Variants in DNAH17 observed in about 807,000 individuals in gnomAD.
DNAH17 encodes the protein axonemal beta dynein heavy chain 17.
DNAH17 carries 376 observed loss-of-function variants against 485.6 expected under a neutral mutation model. That is an observed-to-expected ratio of 0.77 (90% CI 0.71 to 0.84). The LOEUF (loss-of-function observed/expected upper bound fraction) is 0.84. DNAH17 is among the 40% of genes least tolerant of loss of function. DNAH17 has a pLI of 0.00. For synonymous variants in DNAH17, 3,031 were observed against 2,405.9 expected (o/e 1.26, Z -7.60); for missense variants, 6,370 against 5,839.3 (o/e 1.09, Z -2.96).
chr17:78,445,003 C>T lies in DNAH17; in HGVS notation c.11335-206G>A, dbSNP rs886077139. On this transcript the variant is annotated intron_variant, in intron 70 of 80. Coordinates refer to ENST00000389840, the MANE Select transcript of DNAH17 (RefSeq NM_173628.4). ...CCCAGGACAGCGCCGGGAGCCTCCT[C>T]GGCAGGGTCTAACCTGCGGACATGA... 9.9e-5 allele frequency among the ~76,000 whole-genome samples: 15 copies of T among 152,052 alleles called. No individual in the cohort carries two copies. The East Asian group carries it at 1.7e-3, about 18-fold the overall frequency.
In DNAH17 at chr17:78,424,163, C is replaced by A; in HGVS notation, c.13142-10G>T. On this transcript the variant is annotated splice_polypyrimidine_tract_variant and intron_variant, in intron 80 of 80. Transcript: ENST00000389840. ...GTGTCCCAGCGAGCCCCTGCAGGGA[C>A]AGTATGGCTGAGGGTCAGGTGTGCT... is the stretch of plus-strand genomic sequence containing the variant. 1 of 1,604,358 alleles carries A rather than the reference C, an allele frequency of 6.2e-7. No homozygotes were observed. Among genetic ancestry groups the A allele is most frequent in the Non-Finnish European group, 8.5e-7 (1 of 1,175,648 alleles).
chr17:78,466,767 C>A lies in DNAH17; in HGVS notation c.8828G>T (p.Arg2943Ile), dbSNP rs1188220365. 2 of 1,609,804 alleles carry A rather than the reference C, an allele frequency of 1.2e-6. No individual in the cohort carries two copies. The highest frequency in any genetic ancestry group is 1.7e-6 in the Non-Finnish European group (2 of 1,178,266). ...GCAGTTGACCACAGCTGGGAACTTT[C>A]TGGCTCGTACCCGCAGCACGGAGCC... is the stretch of plus-strand genomic sequence containing the variant. ...PVGSVLRVRA[R>I]KFPAVVNCTA... The change falls in exon 56 of 81, where the codon AGA becomes ATA. Residue 2943 changes from arginine to isoleucine, a missense_variant. Physicochemically the swap from Arg to Ile is moderately conservative, Grantham distance 97 (BLOSUM62 -3). Transcript: ENST00000389840.
Position 78,475,261 on chromosome 17 carries a change from G to A in DNAH17, c.8511+17C>T, listed in dbSNP as rs1299786219. 1.9e-6 allele frequency: 3 copies of A among 1,613,174 alleles called. No individual in the cohort carries two copies. The highest frequency in any genetic ancestry group is 2.5e-6 in the Non-Finnish European group (3 of 1,179,620). Reference sequence around the variant, plus strand: ...ACCCTACCCTGAAAGGCAGCCTATTGAACAGTAAGCTCTCACCTTGAGGTC... The same window carrying A: ...ACCCTACCCTGAAAGGCAGCCTATTAAACAGTAAGCTCTCACCTTGAGGTC... On this transcript the variant is annotated intron_variant, in intron 54 of 80. Coordinates refer to ENST00000389840, the MANE Select transcript of DNAH17 (RefSeq NM_173628.4).
intron 78 of DNAH17, 51 bp downstream of exon 78, chr17:78,426,875 C>T: frequency 5.1e-6 from 8 of 1,557,444 alleles, no homozygotes; most frequent in Non-Finnish European, 7.0e-6. Flanking sequence ...TGGGTTTCTG[C>T]TGGTTTCACC....
Position 78,436,783 on chromosome 17 carries a change from T to C in DNAH17, c.12033+858A>G, listed in dbSNP as rs183357134. Among the ~76,000 whole-genome samples, 49 of 151,440 alleles carry C rather than the reference T, an allele frequency of 3.2e-4. No individual in the cohort carries two copies. In the East Asian group the frequency reaches 9.2e-3, roughly 29 times the overall value. ...TTGCTTGAACTCGGGAGGCAGAGGT[T>C]GCAGTGAGCCGAGATTACACCATTG... On this transcript the variant is annotated intron_variant, in intron 74 of 80. Coordinates refer to ENST00000389840, the MANE Select transcript of DNAH17 (RefSeq NM_173628.4).
intron 51 of DNAH17, among the ~76,000 whole-genome samples, chr17:78,478,218 T>C (rs1453888720): frequency 3.5e-5 from 5 of 143,236 alleles, no homozygotes; most frequent in Non-Finnish European, 7.5e-5. Context: ...ACCACCATCA[T>C]CACCACATCA....
Position 78,526,736 on chromosome 17 carries a change from A to G in DNAH17, c.3626T>C (p.Leu1209Pro). Residue 1209 changes from leucine to proline, a missense_variant and splice_region_variant, in exon 24 of 81, where the codon CTC becomes CCC. By Grantham distance (98) the Leu-to-Pro change is moderately conservative (BLOSUM62 -3). Transcript: ENST00000389840. Reference protein sequence around the residue: ...ILRRKCQQFELKQHEFRERFR... With the variant: ...ILRRKCQQFEPKQHEFRERFR... ...CCTCTCCCTGAACTCATGTTGCTTG[A>G]GCTGCGAGAGAAGAGTGCAAAGTAC... 1 of 1,605,166 alleles carries G rather than the reference A, an allele frequency of 6.2e-7. No homozygotes were observed. Among genetic ancestry groups the G allele is most frequent in the Non-Finnish European group, 8.5e-7 (1 of 1,173,768 alleles).
chr17:78,538,233 G>A (rs912429695), intron 18 of DNAH17, among the ~76,000 whole-genome samples: 5 of 151,786 alleles, frequency 3.3e-5, no homozygotes, highest in African/African-American at 9.7e-5. Context: ...ACACAAAGCA[G>A]GTACTGCAGG....
chr17:78,552,235 G>A (rs950127734), intron 15 of DNAH17, among the ~76,000 whole-genome samples: 2 of 152,212 alleles, frequency 1.3e-5, no homozygotes, highest in Non-Finnish European at 2.9e-5. Flanking sequence ...CATCAGAGAT[G>A]GGGCCAGGGG....
chr17:78,444,796 G>A lies in DNAH17; in HGVS notation c.11336C>T (p.Ala3779Val), dbSNP rs1291461894. The change falls in exon 71 of 81, where the codon GCC becomes GTC. Residue 3779 changes from alanine to valine, a missense_variant and splice_region_variant. Transcript: ENST00000389840. Reference protein sequence around the residue: ...LQHQGWGGIKALSEMDEFKNL... With the variant: ...LQHQGWGGIKVLSEMDEFKNL... ...TTTGAACTCATCCATCTCCGAGAGG[G>A]CCTAGGGGCAGAGGCAGCGGGCCCT... 5.1e-6 allele frequency: 8 copies of A among 1,564,832 alleles called. No homozygotes were observed. The African/African-American group carries it at 8.3e-5, about 16-fold the overall frequency.
chr17:78,443,406 T>C (rs560454129), intron 71 of DNAH17, among the ~76,000 whole-genome samples: 1 of 152,306 alleles, frequency 6.6e-6, no homozygotes, highest in African/African-American at 2.4e-5. Flanking sequence ...GCTGCTCTCC[T>C]GCATCACAGT....
chr17:78,569,211 G>A lies in DNAH17; in HGVS notation c.1239C>T (p.Ala413=). The A allele has an allele frequency of 1.2e-6, 2 of 1,609,550 alleles. No individual in the cohort carries two copies. Among genetic ancestry groups the A allele is most frequent in the Non-Finnish European group, 1.7e-6 (2 of 1,177,956 alleles). ...PVPWEFPSSL[A]FSRINSFFQR... ...GGAAGAAGGAATTTATCCTGGAAAA[G>A]GCAAGAGAAGAAGGGAATTCCCAAG... Residue 413 remains alanine (A), a synonymous_variant, in exon 9 of 81, where the codon GCC becomes GCT. Coordinates refer to ENST00000389840, the MANE Select transcript of DNAH17 (RefSeq NM_173628.4).
chr17:78,541,558 G>A (rs2091589580), intron 17 of DNAH17, among the ~76,000 whole-genome samples: 1 of 151,978 alleles, frequency 6.6e-6, no homozygotes, highest in African/African-American at 2.4e-5. Context: ...AAAAAGAAAT[G>A]GCTCTAATGA....
chr17:78,460,709 C>T lies in DNAH17; in HGVS notation c.9340-452G>A, dbSNP rs867873112. On this transcript the variant is annotated intron_variant, in intron 58 of 80. Coordinates refer to ENST00000389840, the MANE Select transcript of DNAH17 (RefSeq NM_173628.4). ...CTGGAATGGGAACTGTTCCTTCTAT[C>T]GGCTTGAGCTTCCAAGACTGGAGGG... Among the ~76,000 whole-genome samples the T allele has an allele frequency of 5.3e-5, 8 of 152,302 alleles. No individual in the cohort carries two copies. In the Middle Eastern group the frequency reaches 0.014, roughly 259 times the overall value.
chr17:78,495,840 C>T (rs1007871791), intron 38 of DNAH17, 35 bp downstream of exon 38: 2 of 1,597,748 alleles, frequency 1.3e-6, no homozygotes, highest in Non-Finnish European at 1.7e-6. Flanking sequence ...CGGCCTGGCT[C>T]ACTGCAGCCA....
chr17:78,503,134 G>A (rs1292768372), intron 31 of DNAH17, 123 bp from the exon 32 acceptor site: 4 of 1,085,552 alleles, frequency 3.7e-6, no homozygotes, highest in Admixed American at 3.4e-5. Flanking sequence ...GGGCAGACAG[G>A]TCAAGGATTT....
intron 16 of DNAH17, 81 bp downstream of exon 16, chr17:78,551,454 G>T (rs1259127809): frequency 7.7e-7 from 1 of 1,290,618 alleles, no homozygotes; most frequent in Non-Finnish European, 1.1e-6. Flanking sequence ...CACTTTCCAT[G>T]GGCCTCTACG....
intron 54 of DNAH17, among the ~76,000 whole-genome samples, chr17:78,469,267 G>A (rs367708436): frequency 7.2e-4 from 110 of 152,070 alleles, no homozygotes; most frequent in African/African-American, 2.5e-3. Flanking sequence ...TCAGCCTCCC[G>A]AGTAGCTGGG....
chr17:78,472,181 A>G (rs1197873951), intron 54 of DNAH17, among the ~76,000 whole-genome samples: 1 of 152,058 alleles, frequency 6.6e-6, no homozygotes, highest in Non-Finnish European at 1.5e-5. Context: ...CTGGCAGTAG[A>G]CAGGCAGGAC....
Sources: allele counts gnomAD v4.1 joint callset (sites outside exome capture counted in the v4.1 genomes callset), GRCh38; gene constraint gnomAD v4.1.1; transcripts MANE v1.5; gene names NCBI Gene and HGNC (gene_info 2026-07-23, HGNC 2026-07-21).